The following LITAF variants were observed in gnomAD, a reference collection of about 807,000 sequenced individuals.
LITAF encodes lipopolysaccharide-induced tumor necrosis factor-alpha factor.
In LITAF, 9 loss-of-function variants were observed where a neutral mutation model predicts 14.5. The ratio of observed to expected loss-of-function variants is 0.62; its 90% confidence interval spans 0.37 to 1.08. LITAF has a LOEUF of 1.08. Ranked by LOEUF, LITAF falls within the 50% of genes least tolerant of loss-of-function variation. The probability of loss-of-function intolerance (pLI) is 0.01; values close to 1 mark genes in which losing one functional copy is unlikely to be tolerated. For synonymous variants in LITAF, 98 were observed against 88.2 expected (o/e 1.11, Z -0.62); for missense variants, 206 against 213.4 (o/e 0.97, Z 0.22).
At chr16:11,568,822 G>A (rs1019239742) in intron 1 of LITAF, among the ~76,000 whole-genome samples, 2 of 152,018 alleles carry the variant, frequency 1.3e-5, no homozygotes, top group African/African-American at 4.8e-5. Flanking sequence ...TGGGACTACA[G>A]GCATGCGCCA....
At chr16:11,627,747 C>T (rs935053572) in intron 3 of LITAF, among the ~76,000 whole-genome samples, 17 of 152,072 alleles carry the variant, frequency 1.1e-4, no homozygotes, top group African/African-American at 1.7e-4. Context: ...TGGAGGCTGA[C>T]GCAGGAGAAT....
chr16:11,639,887 C>T (rs1475766564), upstream of LITAF, among the ~76,000 whole-genome samples: 1 of 152,130 alleles, frequency 6.6e-6, no homozygotes. Flanking sequence ...AGATCCTACC[C>T]TCTCAGCCCC....
At chr16:11,608,987 A>AAG (rs1404723442) in intron 3 of LITAF, among the ~76,000 whole-genome samples, 2 of 151,364 alleles carry the variant, frequency 1.3e-5, no homozygotes, top group Non-Finnish European at 2.9e-5. Flanking sequence ...AAACAAAAAA[A>AAG]AACGCACCGA....
At chr16:11,559,359 T>A (rs1555467340) in intron 1 of LITAF, among the ~76,000 whole-genome samples, 1 of 152,220 alleles carries the variant, frequency 6.6e-6, no homozygotes, top group Non-Finnish European at 1.5e-5. Flanking sequence ...TACTTGTATT[T>A]AAGTTTAAGC....
chr16:11,613,609 G>A (rs948335308), intron 3 of LITAF, among the ~76,000 whole-genome samples: 11 of 152,236 alleles, frequency 7.2e-5, no homozygotes, highest in African/African-American at 2.7e-4. Flanking sequence ...GAGGGTGAGG[G>A]CAGTCAGGGA....
chr16:11,624,586 G>A (rs551240015), intron 3 of LITAF, among the ~76,000 whole-genome samples: 71 of 152,312 alleles, frequency 4.7e-4, no homozygotes, highest in South Asian at 2.1e-3. Context: ...CAAGGCTGCC[G>A]TGACAGTTGC....
At chr16:11,594,888 A>AT (rs1350109080) in intron 1 of LITAF, among the ~76,000 whole-genome samples, 5 of 95,062 alleles carry the variant, frequency 5.3e-5, no homozygotes, top group South Asian at 2.9e-4. Flanking sequence ...AAAAATAAAA[A>AT]AAAATAAAAT....
upstream of LITAF, among the ~76,000 whole-genome samples, chr16:11,636,843 C>T (rs149549035): frequency 7.6e-4 from 116 of 152,004 alleles, 1 homozygote; most frequent in African/African-American, 2.7e-3. Flanking sequence ...GACTCTGTTG[C>T]CCTTACTATC....
chr16:11,595,941 T>A (rs1212139940), intron 1 of LITAF, among the ~76,000 whole-genome samples: 2 of 152,080 alleles, frequency 1.3e-5, no homozygotes, highest in Non-Finnish European at 2.9e-5. Flanking sequence ...TAACTAGGCA[T>A]CCTGGGTTCC....
chr16:11,576,047 G>C (rs2064627111), intron 1 of LITAF, among the ~76,000 whole-genome samples: 4 of 151,984 alleles, frequency 2.6e-5, no homozygotes, highest in African/African-American at 9.7e-5. Flanking sequence ...TGATTAGCTA[G>C]TTTTTTTAAT....
At chr16:11,559,764 G>A (rs2043972033) in intron 1 of LITAF, among the ~76,000 whole-genome samples, 1 of 149,578 alleles carries the variant, frequency 6.7e-6, no homozygotes, top group Non-Finnish European at 1.5e-5. Context: ...GGAGGCTGAG[G>A]CAGGAGGATG....
At chr16:11,570,815 G>C (rs900338216) in intron 1 of LITAF, among the ~76,000 whole-genome samples, 3 of 152,100 alleles carry the variant, frequency 2.0e-5, no homozygotes, top group South Asian at 2.1e-4. Context: ...GGGAGGCTGA[G>C]GTAGAAGGAG....
At chr16:11,627,039 C>T (rs554099043) in intron 3 of LITAF, among the ~76,000 whole-genome samples, 21 of 152,144 alleles carry the variant, frequency 1.4e-4, no homozygotes, top group Admixed American at 3.3e-4. Context: ...ATCCCATCCC[C>T]CTAGGAACCC....
At chr16:11,630,844 G>A (rs2065114322) in intron 3 of LITAF, among the ~76,000 whole-genome samples, 1 of 151,872 alleles carries the variant, frequency 6.6e-6, no homozygotes, top group Non-Finnish European at 1.5e-5. Flanking sequence ...TGATCCTCCC[G>A]CCTCAGCCTC....
chr16:11,638,084 C>A (rs374184706), upstream of LITAF, among the ~76,000 whole-genome samples: 60 of 75,204 alleles, frequency 8.0e-4, 17 homozygotes, highest in African/African-American at 4.4e-3. Flanking sequence ...ATATCTATAT[C>A]TATCTATCTA....
chr16:11,636,243 G>A (rs1045303458), exon 1 of LITAF: 3 of 152,210 alleles, frequency 2.0e-5, no homozygotes, highest in Non-Finnish European at 4.4e-5. Context: ...GTAAATACCC[G>A]AGATTTGTTG....
rs185042899 is a variant in LITAF, at chr16:11,561,992, C to T, written c.-5-5257G>A. On this transcript the variant is annotated intron_variant, in intron 1 of 3. Coordinates refer to ENST00000622633, the MANE Select transcript of LITAF (RefSeq NM_001136472.2). ...GGAGTACAGTGGCATGATCATAGCT[C>T]GCCACAGCCTGAAACTCGTAGACTC... is the stretch of plus-strand genomic sequence containing the variant. Among the ~76,000 whole-genome samples, 57 of 152,104 alleles carry T rather than the reference C, an allele frequency of 3.7e-4. No homozygotes were observed. The East Asian group carries it at 8.7e-3, about 23-fold the overall frequency.
upstream of LITAF, among the ~76,000 whole-genome samples, chr16:11,637,223 AC>A (rs555333635): frequency 2.0e-4 from 30 of 152,264 alleles, 1 homozygote; most frequent in African/African-American, 6.7e-4. Context: ...CTCCTGTATC[AC>A]CAGCACCACA....
At chr16:11,622,351 G>C (rs1235550150) in intron 3 of LITAF, among the ~76,000 whole-genome samples, 1 of 152,244 alleles carries the variant, frequency 6.6e-6, no homozygotes, top group Non-Finnish European at 1.5e-5. Flanking sequence ...CTCCCTGGGT[G>C]GGGAGATATC....
Sources: gnomAD v4.1 joint callset for allele counts (sites outside exome capture counted in the v4.1 genomes callset) on GRCh38, gnomAD v4.1.1 for gene constraint, MANE v1.5 for transcripts, NCBI Gene and HGNC (gene_info 2026-07-23, HGNC 2026-07-21) for gene names.